The following IKZF2 variants were observed in gnomAD, a reference collection of about 807,000 sequenced individuals.
IKZF2 encodes the protein zinc finger protein Helios.
Under a neutral mutation model 49.2 loss-of-function variants are expected in IKZF2, and 15 were observed. The ratio of observed to expected loss-of-function variants is 0.30; its 90% CI spans 0.20 to 0.47. IKZF2 has a LOEUF of 0.47. IKZF2 is among the 20% of genes least tolerant of loss of function. The pLI is 1.00. For missense variants in IKZF2, 567 were observed against 664.6 expected, an observed-to-expected ratio of 0.85 and a Z score of 1.61; for synonymous variants, 227 against 221.4, an observed-to-expected ratio of 1.03 and a Z score of -0.23.
At chr2:213,088,753 G>A (rs1410002614) in intron 4 of IKZF2, among the ~76,000 whole-genome samples, 1 of 152,062 alleles carries the variant, frequency 6.6e-6, no homozygotes, top group African/African-American at 2.4e-5. Flanking sequence ...GCGAGACTCT[G>A]TCTCAAAATA....
intron 6 of IKZF2, among the ~76,000 whole-genome samples, chr2:213,034,307 A>G (rs1431563308): frequency 1.3e-5 from 2 of 152,058 alleles, no homozygotes; most frequent in Non-Finnish European, 2.9e-5. Context: ...AGCATTTTAA[A>G]TTTTCTTCAA....
intron 4 of IKZF2, chr2:213,081,168 AC>A (rs2125568412): frequency 6.5e-6 from 1 of 154,888 alleles, no homozygotes; most frequent in Non-Finnish European, 1.5e-5. Flanking sequence ...AGAAAGACTT[AC>A]AGCATATAGA....
chr2:213,075,756 G>A (rs909365466), intron 4 of IKZF2, among the ~76,000 whole-genome samples: 5 of 151,976 alleles, frequency 3.3e-5, no homozygotes, highest in Admixed American at 6.5e-5. Context: ...AACCATCCTC[G>A]TTTGGGTGAG....
chr2:213,007,537 A>T lies in IKZF2; in HGVS notation c.1404T>A (p.Ile468=), dbSNP rs142270469. The T allele has an allele frequency of 2.0e-5, 33 of 1,613,564 alleles. No individual in the cohort carries two copies. The highest frequency in any genetic ancestry group is 2.8e-5 in the Non-Finnish European group (33 of 1,179,734). The change falls in exon 9 of 9, where the codon ATT becomes ATA. Residue 468 remains isoleucine (I), a synonymous_variant. Transcript: ENST00000434687. ...YKVFNGEGEQ[I]RAFKCEHCRV... is the part of the protein sequence containing the mutation. ...GGCAGTGCTCACACTTGAAGGCCCT[A>T]ATCTGTTCTCCTTCTCCATTGAAGA... is the stretch of plus-strand genomic sequence containing the variant.
chr2:213,009,679 GT>G (rs1310921883), intron 8 of IKZF2, among the ~76,000 whole-genome samples: 1 of 152,080 alleles, frequency 6.6e-6, no homozygotes. Context: ...AGAACTTACA[GT>G]TTGGAAGGAA....
chr2:213,077,130 G>T lies in IKZF2; in HGVS notation c.140-20031C>A, dbSNP rs117701947. 1.7e-4 allele frequency among the ~76,000 whole-genome samples: 26 copies of T among 152,248 alleles called. No homozygotes were observed. The East Asian group carries it at 5.0e-3, about 29-fold the overall frequency. ...ATTCACTGAATCTGGTATAGAGAAG[G>T]CTTATTTTAAGGATTTTCTAGTGAC... On this transcript the variant is annotated intron_variant, in intron 4 of 8. Transcript: ENST00000434687.
chr2:213,077,902 AT>A (rs1039577806), intron 4 of IKZF2, among the ~76,000 whole-genome samples: 1 of 151,752 alleles, frequency 6.6e-6, no homozygotes, highest in South Asian at 2.1e-4. Context: ...CTATGTACTT[AT>A]TTTTTTTAAT....
At chr2:213,149,312 A>G (rs1443487473) in intron 2 of IKZF2, among the ~76,000 whole-genome samples, 1 of 152,112 alleles carries the variant, frequency 6.6e-6, no homozygotes, top group Non-Finnish European at 1.5e-5. Flanking sequence ...CTGATTTTGA[A>G]AATTTCATAA....
At chr2:213,038,402 C>T (rs1699260980) in intron 6 of IKZF2, among the ~76,000 whole-genome samples, 2 of 152,148 alleles carry the variant, frequency 1.3e-5, no homozygotes, top group African/African-American at 2.4e-5. Flanking sequence ...AACCGATTAT[C>T]ATAATCTTCT....
rs182175944 is a variant in IKZF2, at chr2:213,091,910, G to A, written c.140-34811C>T. ...TGTGTGTGTGTGTGTGCGTGTGTGT[G>A]TGTGTATGTGTGTGTGTACTCATAC... On this transcript the variant is annotated intron_variant, in intron 4 of 8. Transcript: ENST00000434687. Among the ~76,000 whole-genome samples the A allele has an allele frequency of 6.9e-4, 105 of 151,662 alleles. 1 individual carries two copies. Among genetic ancestry groups the A allele is most frequent in the Non-Finnish European group, 1.6e-4 (11 of 67,812 alleles).
chr2:213,003,012 CAA>C lies in IKZF2; in HGVS notation c.*4346_*4347del, dbSNP rs914194163. Reference sequence around the variant, plus strand: ...CTAAAAAGGTAGTAAAGTCTAGTTTCAAAGTTTCCTTTTCCTTTTAACAGCTG... The same window carrying C: ...CTAAAAAGGTAGTAAAGTCTAGTTTCAGTTTCCTTTTCCTTTTAACAGCTG... On this transcript the variant is annotated 3_prime_UTR_variant, in exon 9 of 9. Transcript: ENST00000434687. The C allele has an allele frequency of 6.6e-6, 1 of 151,948 alleles. No individual in the cohort carries two copies. The highest frequency in any genetic ancestry group is 2.4e-5 in the African/African-American group (1 of 41,382). 9.4% of individuals were successfully genotyped at this position (151,948 alleles called of 1,614,324 possible). A position where few individuals can be genotyped will look rare whatever the true frequency, so the allele number is the denominator to read the frequency against.
At chr2:213,009,220 C>A (rs889208737) in intron 8 of IKZF2, among the ~76,000 whole-genome samples, 1 of 152,030 alleles carries the variant, frequency 6.6e-6, no homozygotes, top group African/African-American at 2.4e-5. Flanking sequence ...TAATTTTACT[C>A]CAATATTTTA....
intron 4 of IKZF2, among the ~76,000 whole-genome samples, chr2:213,088,697 G>A (rs1372135): frequency 0.35 from 52,843 of 151,690 alleles, 11,498 homozygotes; most frequent in East Asian, 0.71. Context: ...GGCGGAGGTT[G>A]CAGTGAGCCA....
intron 4 of IKZF2, among the ~76,000 whole-genome samples, chr2:213,086,511 A>G (rs1704615477): frequency 6.6e-6 from 1 of 152,222 alleles, no homozygotes; most frequent in Non-Finnish European, 1.5e-5. Flanking sequence ...TCCTGATCCC[A>G]TGGTATTAAG....
intron 5 of IKZF2, among the ~76,000 whole-genome samples, chr2:213,052,448 T>G (rs1357588174): frequency 6.6e-6 from 1 of 152,042 alleles, no homozygotes; most frequent in Admixed American, 6.6e-5. Flanking sequence ...TATGAATAAG[T>G]CTTGATAGAT....
intron 4 of IKZF2, among the ~76,000 whole-genome samples, chr2:213,143,050 A>G (rs1262191607): frequency 6.6e-6 from 1 of 151,994 alleles, no homozygotes; most frequent in East Asian, 1.9e-4. Context: ...AAGTAAAGAA[A>G]AACAACATAT....
chr2:213,008,228 G>T, intron 8 of IKZF2, 144 bp from the exon 9 acceptor site: 1 of 997,492 alleles, frequency 1.0e-6, no homozygotes, highest in African/African-American at 1.7e-5. Context: ...TATAAGTCAA[G>T]TATTTGGGCA....
chr2:213,072,323 T>C (rs1702800464), intron 4 of IKZF2, among the ~76,000 whole-genome samples: 1 of 151,028 alleles, frequency 6.6e-6, no homozygotes, highest in African/African-American at 2.4e-5. Flanking sequence ...TTTCGACTGA[T>C]GATCTCCCTA....
intron 4 of IKZF2, chr2:213,081,338 C>A (rs961401027): frequency 6.5e-6 from 1 of 153,446 alleles, no homozygotes; most frequent in Non-Finnish European, 1.5e-5. Flanking sequence ...TCTATAATAT[C>A]CTCCAAGTAG....
Sources: allele counts gnomAD v4.1 joint callset (sites outside exome capture counted in the v4.1 genomes callset), GRCh38; gene constraint gnomAD v4.1.1; transcripts MANE v1.5; gene names NCBI Gene and HGNC (gene_info 2026-07-23, HGNC 2026-07-21).